MPRIP: variants seen among roughly 807,000 people sequenced by gnomAD.
MPRIP encodes myosin phosphatase Rho interacting protein.
A neutral mutation model predicts 234.9 loss-of-function variants in MPRIP; 59 were observed. The observed-to-expected ratio is 0.25, with a 90% CI of 0.20 to 0.31. The LOEUF is 0.31. Among genes scored for constraint, MPRIP ranks in the 10% least tolerant of loss-of-function variants. The pLI, the probability that MPRIP is intolerant of heterozygous loss-of-function variation, is 1.00. For missense variants in MPRIP, 2,436 were observed against 3,071.0 expected (o/e 0.79, Z 4.89); for synonymous variants, 1,144 against 1,263.9 (o/e 0.91, Z 2.01).
intron 1 of MPRIP, among the ~76,000 whole-genome samples, chr17:17,075,437 C>A (rs1461690419): frequency 6.6e-6 from 1 of 152,082 alleles, no homozygotes; most frequent in Admixed American, 6.5e-5. Context: ...TGATCAGTAA[C>A]TTGCAGGAGA....
At chr17:17,085,501 C>T (rs546704881) in intron 3 of MPRIP, among the ~76,000 whole-genome samples, 40 of 152,312 alleles carry the variant, frequency 2.6e-4, no homozygotes, top group African/African-American at 8.9e-4. Context: ...GAATTCTGCA[C>T]GGAGTCTTAA....
rs572691757 is a variant in MPRIP at position 17,173,856 on chromosome 17, C to T, written c.6591-60C>T. On this transcript the variant is annotated intron_variant, in intron 18 of 23. Transcript: ENST00000651222. ...TGTGTCTGGTGTCAAGGAGGGACAC[C>T]GGCCTCTGAGAGGCCTTGTCCAGAA... The T allele has an allele frequency of 2.0e-4, 313 of 1,593,896 alleles. 3 individuals carry two copies. The South Asian group carries it at 3.0e-3, about 15-fold the overall frequency.
chr17:17,157,218 C>T (rs1453067904), intron 13 of MPRIP, among the ~76,000 whole-genome samples: 1 of 152,220 alleles, frequency 6.6e-6, no homozygotes, highest in Non-Finnish European at 1.5e-5. Flanking sequence ...CGAGGCCTCC[C>T]CAGGAATCTC....
intron 3 of MPRIP, among the ~76,000 whole-genome samples, chr17:17,083,012 C>T (rs1232342166): frequency 6.6e-6 from 1 of 152,186 alleles, no homozygotes; most frequent in Non-Finnish European, 1.5e-5. Flanking sequence ...ACATGGAAGC[C>T]ATGGAGAGAC....
At chr17:17,080,246 G>A (rs968389772) in intron 3 of MPRIP, among the ~76,000 whole-genome samples, 1 of 152,230 alleles carries the variant, frequency 6.6e-6, no homozygotes, top group Non-Finnish European at 1.5e-5. Flanking sequence ...GTAGAAGCCA[G>A]GTGGGAGGAG....
chr17:17,159,272 C>T (rs2045809841), intron 14 of MPRIP, among the ~76,000 whole-genome samples: 1 of 152,238 alleles, frequency 6.6e-6, no homozygotes, highest in African/African-American at 2.4e-5. Context: ...CATTGAGAGG[C>T]AAGCGGCGTT....
chr17:17,144,639 C>T (rs138715619), intron 9 of MPRIP, among the ~76,000 whole-genome samples: 2 of 152,280 alleles, frequency 1.3e-5, no homozygotes, highest in East Asian at 1.9e-4. Flanking sequence ...GGGCAGATCA[C>T]GAGGTCAAGA....
chr17:17,166,748 C>G lies in MPRIP; in HGVS notation c.5157C>G (p.Asp1719Glu). 2.3e-6 allele frequency: 3 copies of G among 1,304,222 alleles called. No individual in the cohort carries two copies. The highest frequency in any genetic ancestry group is 3.0e-6 in the Non-Finnish European group (3 of 988,966). 80.8% of individuals were successfully genotyped at this position (1,304,222 alleles called of 1,614,324 possible). Residue 1719 changes from aspartate to glutamate, a missense_variant, in exon 16 of 24, where the codon GAC becomes GAG. This residue lies in a region of MPRIP where 1,998 missense variants were observed against 2,520.3 expected (regional missense o/e 0.79). Transcript: ENST00000651222. The surrounding 1 kb of genome is among the most constrained non-coding windows in gnomAD (Gnocchi z 4.4). ...TCCTGGGAGCCTACCAAACCCCAGA[C>G]TTTGAAAGAGTGATGCAGCAGGTCT... ...REILGAYQTP[D>E]FERVMQQVLE...
chr17:17,057,614 T>C, intron 1 of MPRIP: 1 of 718,142 alleles, frequency 1.4e-6, no homozygotes, highest in Non-Finnish European at 2.6e-6. Flanking sequence ...TTACCAGTTT[T>C]CAACCTTTAT....
At chr17:17,108,024 A>G (rs1324573645) in intron 3 of MPRIP, among the ~76,000 whole-genome samples, 1 of 152,188 alleles carries the variant, frequency 6.6e-6, no homozygotes, top group Non-Finnish European at 1.5e-5. Flanking sequence ...TTCCCTGTAG[A>G]TAGAGCAGTT....
intron 3 of MPRIP, among the ~76,000 whole-genome samples, chr17:17,112,282 C>G (rs1010239351): frequency 1.3e-5 from 2 of 152,144 alleles, no homozygotes; most frequent in Admixed American, 6.5e-5. Flanking sequence ...AAGTCTCGAG[C>G]CTTGTGCCTG....
intron 23 of MPRIP, chr17:17,181,651 G>A (rs1183049466): frequency 1.3e-5 from 2 of 152,212 alleles, no homozygotes; most frequent in Admixed American, 6.5e-5. Flanking sequence ...ACTTATTTGA[G>A]GCTAAACTGT....
chr17:17,122,134 T>C (rs2090401050), intron 3 of MPRIP, among the ~76,000 whole-genome samples: 1 of 152,270 alleles, frequency 6.6e-6, no homozygotes, highest in African/African-American at 2.4e-5. Context: ...TGTGTCTTTA[T>C]AATAGAATGA....
chr17:17,098,195 TA>T (rs2089888291), intron 3 of MPRIP, among the ~76,000 whole-genome samples: 1 of 152,108 alleles, frequency 6.6e-6, no homozygotes, highest in South Asian at 2.1e-4. Context: ...GGAAGAAAGG[TA>T]AAGCAGCTCC....
At position 17,167,154 on chromosome 17, in the gene MPRIP, A is replaced by G. The variant is rs2046018019; in HGVS notation, c.5563A>G (p.Ile1855Val). The G allele has an allele frequency of 1.5e-6, 2 of 1,303,954 alleles. No individual in the cohort carries two copies. The highest frequency in any genetic ancestry group is 2.0e-6 in the Non-Finnish European group (2 of 988,942). 80.8% of individuals were successfully genotyped at this position (1,303,954 alleles called of 1,614,324 possible). Reference protein sequence around the residue: ...QAQVCYASCRIRLEYEKELQL... With the variant: ...QAQVCYASCRVRLEYEKELQL... Reference sequence around the variant, plus strand: ...CCAGGTTTGCTATGCGTCCTGCAGAATCCGGCTAGAATATGAGAAGGAGCT... The same window carrying G: ...CCAGGTTTGCTATGCGTCCTGCAGAGTCCGGCTAGAATATGAGAAGGAGCT... The change falls in exon 16 of 24, where the codon ATC (isoleucine) becomes GTC (valine). Residue 1855 changes from isoleucine (I) to valine (V), a missense_variant. Around this residue, in one of 4 missense-constraint regions of MPRIP, gnomAD observed 1,998 missense variants for 2,520.3 expected, o/e 0.79. Coordinates refer to ENST00000651222, the MANE Select transcript of MPRIP (RefSeq NM_001364716.4). The surrounding 1 kb of genome is among the most constrained non-coding windows in gnomAD (Gnocchi z 5.9).
At chr17:17,154,256 C>G (rs896130705) in intron 12 of MPRIP, 50 bp from the exon 13 acceptor site, 1 of 1,520,292 alleles carries the variant, frequency 6.6e-7, no homozygotes, top group Non-Finnish European at 9.1e-7. Context: ...TGGAGGGCAG[C>G]AGGCACCCTA....
rs887491229 is a variant in MPRIP, at chr17:17,177,186, G to A, written c.6958-64G>A. 1.9e-5 allele frequency: 28 copies of A among 1,504,612 alleles called. No individual in the cohort carries two copies. In the African/African-American group the frequency reaches 3.7e-4, roughly 20 times the overall value. 93.2% of individuals were successfully genotyped at this position (1,504,612 alleles called of 1,614,324 possible). A position where few individuals can be genotyped will look rare whatever the true frequency, so the allele number is the denominator to read the frequency against. Reference sequence around the variant, plus strand: ...CCGTGTTCAGTCCCCAGGAAGACAGGCCATGTTGTATGTGCTCCTCTTTCC... The same window carrying A: ...CCGTGTTCAGTCCCCAGGAAGACAGACCATGTTGTATGTGCTCCTCTTTCC... On this transcript the variant is annotated intron_variant, in intron 21 of 23. Transcript: ENST00000651222.
chr17:17,173,697 G>A (rs939195046), intron 18 of MPRIP: 46 of 687,220 alleles, frequency 6.7e-5, no homozygotes, highest in Admixed American at 2.0e-5. Context: ...CCAGAGAAGT[G>A]CTAGCTGTAG....
chr17:17,085,849 C>T (rs994636102), intron 3 of MPRIP, among the ~76,000 whole-genome samples: 7 of 152,140 alleles, frequency 4.6e-5, no homozygotes, highest in Admixed American at 1.3e-4. Flanking sequence ...GGAGGCAGAG[C>T]TTGCAGTGAG....
Sources: gnomAD v4.1 joint callset for allele counts (sites outside exome capture counted in the v4.1 genomes callset) on GRCh38, gnomAD v4.1.1 for gene constraint, gnomAD v4.1.1 regional missense constraint, Gnocchi (gnomAD v3.1) non-coding constraint, MANE v1.5 for transcripts, NCBI Gene and HGNC (gene_info 2026-07-23, HGNC 2026-07-21) for gene names.